The following GRM5 variants were observed in gnomAD, a reference collection of about 807,000 sequenced individuals.
GRM5 encodes metabotropic glutamate receptor 5.
GRM5 carries 19 observed loss-of-function variants against 83.1 expected under a neutral mutation model. The ratio of observed to expected loss-of-function variants is 0.23; its 90% confidence interval spans 0.16 to 0.34. The LOEUF (loss-of-function observed/expected upper bound fraction) is 0.34. Among genes scored for constraint, GRM5 ranks in the 10% least tolerant of loss-of-function variants. The pLI is 1.00. For missense variants in GRM5, 1,160 were observed against 1,588.3 expected (o/e 0.73, Z 4.58); for synonymous variants, 675 against 633.6 (o/e 1.07, Z -0.98).
chr11:89,034,216 G>T (rs1313911383), intron 2 of GRM5, among the ~76,000 whole-genome samples: 2 of 151,780 alleles, frequency 1.3e-5, no homozygotes, highest in Non-Finnish European at 3.0e-5. Context: ...AGATATTAAT[G>T]GTGTGCAACT....
chr11:89,019,800 G>C (rs1228346889), intron 2 of GRM5, among the ~76,000 whole-genome samples: 1 of 152,128 alleles, frequency 6.6e-6, no homozygotes, highest in East Asian at 1.9e-4. Flanking sequence ...CTGTAGAAAA[G>C]TTTCTGCTAT....
At position 88,802,668 on chromosome 11, in the gene GRM5, T is replaced by C. The variant is rs561056243; in HGVS notation, c.911+47238A>G. ...CTCACCACTCCTATTCAACATAGTGTTGGAAGTTCTGGCCAGGGCAATTAG... is the reference window on the plus strand; with the variant it reads ...CTCACCACTCCTATTCAACATAGTGCTGGAAGTTCTGGCCAGGGCAATTAG... On this transcript the variant is annotated intron_variant, in intron 3 of 9. Coordinates refer to ENST00000305447, the MANE Select transcript of GRM5 (RefSeq NM_001143831.3). Among the ~76,000 whole-genome samples, 500 of 152,002 alleles carry C rather than the reference T, an allele frequency of 3.3e-3. 1 individual carries two copies. Among genetic ancestry groups the C allele is most frequent in the African/African-American group, 0.012 (478 of 41,398 alleles).
chr11:88,687,537 T>C (rs75392598), intron 3 of GRM5, among the ~76,000 whole-genome samples: 36,542 of 49,742 alleles, frequency 0.73, 15,629 homozygotes, highest in Non-Finnish European at 0.89. Context: ...TACATATATA[T>C]ACACACACAC....
intron 3 of GRM5, among the ~76,000 whole-genome samples, chr11:88,669,250 G>A (rs372524322): frequency 5.9e-5 from 9 of 151,990 alleles, no homozygotes; most frequent in Admixed American, 6.6e-5. Flanking sequence ...ACATAATGCC[G>A]TCAATAAATT....
chr11:88,924,121 G>A (rs1201621366), intron 2 of GRM5, among the ~76,000 whole-genome samples: 1 of 112,760 alleles, frequency 8.9e-6, no homozygotes, highest in African/African-American at 3.3e-5. Context: ...ACACCTGTTA[G>A]TATAGCTATA....
At chr11:88,979,968 G>T (rs191670161) in intron 2 of GRM5, among the ~76,000 whole-genome samples, 2 of 152,176 alleles carry the variant, frequency 1.3e-5, no homozygotes, top group Admixed American at 1.3e-4. Context: ...GAAATCTAAG[G>T]CATTTTATTG....
intron 2 of GRM5, among the ~76,000 whole-genome samples, chr11:88,906,128 C>G (rs1945399149): frequency 6.6e-6 from 1 of 152,134 alleles, no homozygotes; most frequent in South Asian, 2.1e-4. Context: ...CAGTGTCTCT[C>G]TTAGCCAGAT....
At chr11:89,039,058 G>A (rs1325024991) in intron 2 of GRM5, among the ~76,000 whole-genome samples, 1 of 152,010 alleles carries the variant, frequency 6.6e-6, no homozygotes, top group Non-Finnish European at 1.5e-5. Context: ...GAGGTCAGGA[G>A]ATCAAGAACA....
chr11:88,868,390 AT>A (rs1181179963), intron 2 of GRM5, among the ~76,000 whole-genome samples: 4 of 151,734 alleles, frequency 2.6e-5, no homozygotes, highest in African/African-American at 9.7e-5. Context: ...CATCTATAAC[AT>A]TTTCATAAGG....
chr11:88,619,857 G>T (rs894970145), intron 4 of GRM5, among the ~76,000 whole-genome samples: 1 of 151,964 alleles, frequency 6.6e-6, no homozygotes, highest in African/African-American at 2.4e-5. Flanking sequence ...GTATTTTCTT[G>T]GAAGATGATT....
intron 7 of GRM5, among the ~76,000 whole-genome samples, chr11:88,570,572 T>TATATATATATATATATATA (rs1491417366): frequency 6.1e-4 from 26 of 42,326 alleles, no homozygotes; most frequent in African/African-American, 1.2e-3. Flanking sequence ...TATATATATA[T>TATATATATATATATATATA]TTTTTTTTTT....
chr11:88,628,636 G>A (rs1045324521), intron 4 of GRM5, among the ~76,000 whole-genome samples: 2 of 152,152 alleles, frequency 1.3e-5, no homozygotes, highest in South Asian at 4.1e-4. Context: ...TCACTTTGGT[G>A]TAGATTGGCA....
intron 3 of GRM5, among the ~76,000 whole-genome samples, chr11:88,763,279 G>A (rs899526540): frequency 4.2e-3 from 16 of 3,848 alleles, no homozygotes; most frequent in Non-Finnish European, 0.03. Context: ...CCTTGAGGGA[G>A]TCTGTAGGGT....
intron 3 of GRM5, among the ~76,000 whole-genome samples, chr11:88,758,209 C>T (rs574513857): frequency 6.6e-6 from 1 of 152,264 alleles, no homozygotes; most frequent in Non-Finnish European, 1.5e-5. Flanking sequence ...CACTACCTCT[C>T]CAGCAAAGTG....
chr11:88,858,000 A>T (rs1787426594), intron 2 of GRM5, among the ~76,000 whole-genome samples: 1 of 152,096 alleles, frequency 6.6e-6, no homozygotes, highest in Non-Finnish European at 1.5e-5. Flanking sequence ...TATAAATGTC[A>T]TGGATACGAA....
chr11:88,988,110 G>T (rs7102340), intron 2 of GRM5, among the ~76,000 whole-genome samples: 11,834 of 147,652 alleles, frequency 0.08, 1,512 homozygotes, highest in African/African-American at 0.28. Flanking sequence ...TGAAAACTTT[G>T]AAAAAAATTT....
chr11:88,658,044 T>C (rs959137009), intron 3 of GRM5, among the ~76,000 whole-genome samples: 5 of 152,134 alleles, frequency 3.3e-5, no homozygotes, highest in Admixed American at 1.3e-4. Context: ...GTTCGGAACC[T>C]GGCTGCACAG....
chr11:88,508,315 T>G lies in GRM5; in HGVS notation c.*277A>C. ...AGCAAAGCACTTGGTATGGAACTGTTTGAAGAGACGCCTTGTCAGCCCTCA... is the reference window on the plus strand; with the variant it reads ...AGCAAAGCACTTGGTATGGAACTGTGTGAAGAGACGCCTTGTCAGCCCTCA... On this transcript the variant is annotated 3_prime_UTR_variant, in exon 10 of 10. Transcript: ENST00000305447. The surrounding 1 kb of genome is among the most constrained non-coding windows in gnomAD (Gnocchi z 4.2). 1 of 340,182 alleles carries G rather than the reference T, an allele frequency of 2.9e-6. No homozygotes were observed. The highest frequency in any genetic ancestry group is 5.3e-6 in the Non-Finnish European group (1 of 188,218). The allele number at this position is 340,182 out of a possible 1,614,324, so 21.1% of individuals were successfully genotyped here.
At chr11:88,826,525 A>G (rs1590888944) in intron 3 of GRM5, among the ~76,000 whole-genome samples, 1 of 152,124 alleles carries the variant, frequency 6.6e-6, no homozygotes, top group East Asian at 1.9e-4. Flanking sequence ...CCAAGGGCCA[A>G]TGGACCAGCA....
Sources: allele counts gnomAD v4.1 joint callset (sites outside exome capture counted in the v4.1 genomes callset), GRCh38; gene constraint gnomAD v4.1.1; non-coding constraint Gnocchi (gnomAD v3.1); transcripts MANE v1.5; gene names NCBI Gene and HGNC (gene_info 2026-07-23, HGNC 2026-07-21).